TUBA4B: variants seen among roughly 807,000 people sequenced by gnomAD.
The protein encoded by TUBA4B is tubulin-like protein alpha-4B.
In TUBA4B, 13 loss-of-function variants were observed where a neutral mutation model predicts 18.4. The observed-to-expected ratio is 0.71, with a 90% confidence interval of 0.46 to 1.12. The LOEUF is 1.12. Among genes scored for constraint, TUBA4B ranks in the 50% most tolerant of loss-of-function variants. TUBA4B has a pLI of 0.00. For synonymous variants in TUBA4B, 101 were observed against 99.1 expected (o/e 1.02, Z -0.11); for missense variants, 244 against 250.0 (o/e 0.98, Z 0.16).
rs575440490 is a variant in TUBA4B, at chr2:219,272,086, A to C, written c.*387A>C. ...ATGACTGCCCTGGAGAAGGATTACAAGGAGGTGGGCATGGATAGTGTGGAG... is the reference window on the plus strand; with the variant it reads ...ATGACTGCCCTGGAGAAGGATTACACGGAGGTGGGCATGGATAGTGTGGAG... On this transcript the variant is annotated 3_prime_UTR_variant, in exon 4 of 4. Coordinates refer to ENST00000490341, the MANE Select transcript of TUBA4B (RefSeq NM_001355221.1). The C allele has an allele frequency of 9.2e-6, 10 of 1,082,324 alleles. No individual in the cohort carries two copies. The South Asian group carries it at 1.0e-4, about 11-fold the overall frequency. The allele number at this position is 1,082,324 out of a possible 1,614,324, so 67.0% of individuals were successfully genotyped here. A position where few individuals can be genotyped will look rare whatever the true frequency, so the allele number is the denominator to read the frequency against.
intron 1 of TUBA4B, among the ~76,000 whole-genome samples, chr2:219,255,048 C>A (rs1027131449): frequency 2.0e-5 from 3 of 149,388 alleles, no homozygotes; most frequent in Admixed American, 1.3e-4. Context: ...CTTTCTCTTT[C>A]TCTCTCTCTC....
intron 1 of TUBA4B, 50 bp downstream of exon 1, chr2:219,253,469 G>T: frequency 7.2e-7 from 1 of 1,389,820 alleles, no homozygotes; most frequent in Non-Finnish European, 9.9e-7. Flanking sequence ...CTCGGTCAGT[G>T]CTGAGGACCA....
At chr2:219,265,642 A>G (rs1013747541) in intron 1 of TUBA4B, among the ~76,000 whole-genome samples, 12 of 146,908 alleles carry the variant, frequency 8.2e-5, no homozygotes, top group Non-Finnish European at 1.5e-4. Flanking sequence ...TTCTCAAAAG[A>G]AAAAAAAAAA....
Position 219,272,026 on chromosome 2 carries a change from T to G in TUBA4B, c.*327T>G, listed in dbSNP as rs1951831135. ...GGGCACTGATATGTGGGTGAGGGCA[T>G]GGAGGAGGGTGAGTTCTCCAAGGCC... On this transcript the variant is annotated 3_prime_UTR_variant, in exon 4 of 4. Coordinates refer to ENST00000490341, the MANE Select transcript of TUBA4B (RefSeq NM_001355221.1). 1 of 1,482,270 alleles carries G rather than the reference T, an allele frequency of 6.7e-7. No homozygotes were observed. The highest frequency in any genetic ancestry group is 9.4e-7 in the Non-Finnish European group (1 of 1,062,498). 91.8% of individuals were successfully genotyped at this position (1,482,270 alleles called of 1,614,324 possible).
Position 219,271,518 on chromosome 2 carries a change from G to A in TUBA4B, c.545G>A (p.Arg182His), listed in dbSNP as rs747029263. The change falls in exon 4 of 4, where the codon CGC (arginine) becomes CAC (histidine). Residue 182 changes from arginine to histidine, a missense_variant. Arg to His is a conservative substitution (Grantham distance 29, BLOSUM62 0). Transcript: ENST00000490341. ...GTCTCCTCCATCACAGCTTCTCTGC[G>A]CTTTGACGGGGCCCTCAATGTGGAC... ...QIVSSITASLRFDGALNVDLT... is the reference protein window; with the variant it reads ...QIVSSITASLHFDGALNVDLT... The A allele has an allele frequency of 4.7e-5, 76 of 1,614,048 alleles. No individual in the cohort carries two copies. Among genetic ancestry groups the A allele is most frequent in the Middle Eastern group, 3.3e-4 (2 of 6,084 alleles).
chr2:219,265,364 C>CA (rs1364982032), intron 1 of TUBA4B, among the ~76,000 whole-genome samples: 1 of 152,144 alleles, frequency 6.6e-6, no homozygotes, highest in Non-Finnish European at 1.5e-5. Flanking sequence ...AGACTAGGCG[C>CA]AGGGGCTCAT....
At chr2:219,258,149 C>G (rs560189659) in intron 1 of TUBA4B, among the ~76,000 whole-genome samples, 1 of 151,810 alleles carries the variant, frequency 6.6e-6, no homozygotes, top group African/African-American at 2.4e-5. Flanking sequence ...GCACAGCATG[C>G]CTGGCTAATT....
rs563327655 is a variant in TUBA4B, at chr2:219,262,287, C to T, written c.13-4234C>T. Among the ~76,000 whole-genome samples the T allele has an allele frequency of 1.4e-3, 207 of 152,338 alleles. No homozygotes were observed. In the South Asian group the frequency reaches 0.041, roughly 30 times the overall value. On this transcript the variant is annotated intron_variant, in intron 1 of 3. Coordinates refer to ENST00000490341, the MANE Select transcript of TUBA4B (RefSeq NM_001355221.1). ...GATCGTGCCACTGCACTCCATCCAG[C>T]CTGGGCGACAGAGCGAGACTCGAGA...
intron 1 of TUBA4B, among the ~76,000 whole-genome samples, chr2:219,265,526 A>G (rs1951784687): frequency 6.6e-6 from 1 of 152,088 alleles, no homozygotes; most frequent in Admixed American, 6.6e-5. Flanking sequence ...AATCCCAGCT[A>G]CTCAGGAGGC....
intron 2 of TUBA4B, among the ~76,000 whole-genome samples, chr2:219,267,151 A>T (rs1951795550): frequency 6.6e-6 from 1 of 152,076 alleles, no homozygotes; most frequent in Non-Finnish European, 1.5e-5. Flanking sequence ...GGCTTATTTG[A>T]TATCTTTTAC....
chr2:219,253,910 G>A, intron 1 of TUBA4B: 4 of 1,397,182 alleles, frequency 2.9e-6, no homozygotes, highest in South Asian at 1.6e-5. Context: ...AGGTCTCAGT[G>A]AGAACTGCGC....
intron 1 of TUBA4B, among the ~76,000 whole-genome samples, chr2:219,265,694 T>C (rs1017979296): frequency 2.0e-5 from 3 of 152,210 alleles, no homozygotes; most frequent in African/African-American, 7.2e-5. Flanking sequence ...CTAGCCTTTT[T>C]ATTTCAGAAT....
chr2:219,256,408 T>C (rs1384033485), intron 1 of TUBA4B, among the ~76,000 whole-genome samples: 1 of 152,250 alleles, frequency 6.6e-6, no homozygotes, highest in Non-Finnish European at 1.5e-5. Flanking sequence ...TCTTTGTTTC[T>C]AGCTCCTAGC....
chr2:219,262,302 G>A (rs894695092), intron 1 of TUBA4B, among the ~76,000 whole-genome samples: 3 of 152,198 alleles, frequency 2.0e-5, no homozygotes, highest in Admixed American at 6.5e-5. Context: ...GCGACAGAGC[G>A]AGACTCGAGA....
At chr2:219,262,484 GT>G (rs2125075446) in intron 1 of TUBA4B, among the ~76,000 whole-genome samples, 1 of 152,200 alleles carries the variant, frequency 6.6e-6, no homozygotes, top group East Asian at 1.9e-4. Context: ...TTTATTGTCT[GT>G]CTTCCCCATG....
Position 219,271,352 on chromosome 2 carries a change from A to C in TUBA4B, c.379A>C (p.Ile127Leu). The change falls in exon 4 of 4, where the codon ATC (isoleucine) becomes CTC (leucine). Residue 127 changes from isoleucine (I) to leucine (L), a missense_variant. Transcript: ENST00000490341. ...AGCCATGGTCCAGCCCTACAACTCT[A>C]TCCTGACCACCCACACCACCCTGGA... is the stretch of plus-strand genomic sequence containing the variant. ...STAMVQPYNS[I>L]LTTHTTLEHS... The C allele has an allele frequency of 6.2e-7, 1 of 1,614,016 alleles. No homozygotes were observed. Among genetic ancestry groups the C allele is most frequent in the Non-Finnish European group, 8.5e-7 (1 of 1,179,918 alleles).
intron 1 of TUBA4B, chr2:219,253,922 A>G (rs1951691228): frequency 1.6e-6 from 2 of 1,280,580 alleles, no homozygotes; most frequent in Non-Finnish European, 2.0e-6. Context: ...GAACTGCGCT[A>G]GCTGCAGTGC....
Position 219,271,469 on chromosome 2 carries a change from C to G in TUBA4B, c.496C>G (p.Leu166Val). The change falls in exon 4 of 4, where the codon CTC (leucine) becomes GTC (valine). Residue 166 changes from leucine to valine, a missense_variant. Physicochemically the swap from Leu to Val is conservative, Grantham distance 32 (BLOSUM62 1). Transcript: ENST00000490341. ...CATCGAGCGCCCAACCTACACCAAC[C>G]TCAATCGCCTCATTAGCCAAATTGT... Reference protein sequence around the residue: ...LDIERPTYTNLNRLISQIVSS... With the variant: ...LDIERPTYTNVNRLISQIVSS... 6.2e-7 allele frequency: 1 copy of G among 1,614,188 alleles called. No individual in the cohort carries two copies. Among genetic ancestry groups the G allele is most frequent in the Non-Finnish European group, 8.5e-7 (1 of 1,180,028 alleles).
chr2:219,265,385 C>A (rs1353380742), intron 1 of TUBA4B, among the ~76,000 whole-genome samples: 1 of 152,140 alleles, frequency 6.6e-6, no homozygotes, highest in South Asian at 2.1e-4. Context: ...GCCTGTAATC[C>A]CAGCACTTTG....
Sources: gnomAD v4.1 joint callset for allele counts (sites outside exome capture counted in the v4.1 genomes callset) on GRCh38, gnomAD v4.1.1 for gene constraint, MANE v1.5 for transcripts, NCBI Gene and HGNC (gene_info 2026-07-23, HGNC 2026-07-21) for gene names.